Variants in MYOF observed in about 807,000 individuals in gnomAD.
The protein encoded by MYOF is fer-1-like 3, myoferlin.
MYOF carries 244 observed loss-of-function variants against 284.2 expected under a neutral mutation model. That is an observed-to-expected ratio of 0.86 (90% CI 0.77 to 0.95). The LOEUF is 0.95. Among genes scored for constraint, MYOF ranks in the 40% least tolerant of loss-of-function variants. MYOF has a pLI of 0.00. For missense variants in MYOF, 2,496 were observed against 2,560.6 expected, an observed-to-expected ratio of 0.97 and a Z score of 0.54; for synonymous variants, 904 against 919.7, an observed-to-expected ratio of 0.98 and a Z score of 0.31.
intron 41 of MYOF, among the ~76,000 whole-genome samples, chr10:93,335,090 C>T (rs770461958): frequency 2.0e-5 from 3 of 152,144 alleles, no homozygotes; most frequent in Non-Finnish European, 2.9e-5. Flanking sequence ...GAGTGAGTCA[C>T]GCTGCCCGAA....
intron 1 of MYOF, among the ~76,000 whole-genome samples, chr10:93,467,107 G>A (rs1308177292): frequency 6.6e-6 from 1 of 152,090 alleles, no homozygotes; most frequent in Non-Finnish European, 1.5e-5. Context: ...CCAGTAAGTG[G>A]CAGAGCTGAG....
At chr10:93,314,377 C>T (rs547239848) in intron 50 of MYOF, among the ~76,000 whole-genome samples, 112 of 152,324 alleles carry the variant, frequency 7.4e-4, no homozygotes, top group African/African-American at 2.6e-3. Flanking sequence ...GCATGACCCA[C>T]TGTGCCCGGC....
At chr10:93,338,028 G>A (rs1245416474) in intron 39 of MYOF, 115 bp from the exon 40 acceptor site, 6 of 763,570 alleles carry the variant, frequency 7.9e-6, no homozygotes, top group Non-Finnish European at 1.3e-5. Context: ...CCTGTTAAAA[G>A]TGAGATTATA....
In MYOF at chr10:93,377,380, G is replaced by T; in HGVS notation, c.2051C>A (p.Ala684Glu). The change falls in exon 22 of 54, where the codon GCA (alanine) becomes GAA (glutamate). Residue 684 changes from alanine (A) to glutamate (E), a missense_variant. Coordinates refer to ENST00000359263, the MANE Select transcript of MYOF (RefSeq NM_013451.4). ...LKSGIQGKIPANQLAELWLKL... is the reference protein window; with the variant it reads ...LKSGIQGKIPENQLAELWLKL... ...CAGCCACAATTCAGCCAGCTGGTTT[G>T]CAGGAATTTTACCTTGTATCCCTGA... 6.2e-7 allele frequency: 1 copy of T among 1,614,022 alleles called. No homozygotes were observed. Among genetic ancestry groups the T allele is most frequent in the Non-Finnish European group, 8.5e-7 (1 of 1,179,978 alleles).
chr10:93,392,382 G>T (rs996658122), intron 17 of MYOF, among the ~76,000 whole-genome samples: 1 of 152,176 alleles, frequency 6.6e-6, no homozygotes, highest in African/African-American at 2.4e-5. Context: ...TGCCCTAGGA[G>T]AATTGTGATG....
chr10:93,313,303 A>C, intron 50 of MYOF, 93 bp from the exon 51 acceptor site: 5 of 1,224,894 alleles, frequency 4.1e-6, no homozygotes, highest in Non-Finnish European at 4.5e-6. Flanking sequence ...GGAGAGAGGC[A>C]CACAGTGATT....
At chr10:93,426,822 G>A (rs1009922937) in intron 4 of MYOF, among the ~76,000 whole-genome samples, 1 of 151,852 alleles carries the variant, frequency 6.6e-6, no homozygotes, top group African/African-American at 2.4e-5. Flanking sequence ...TGAAGGGGGC[G>A]GAGGTTGCAG....
chr10:93,481,985 A>G, intron 1 of MYOF, 122 bp downstream of exon 1: 1 of 925,980 alleles, frequency 1.1e-6, no homozygotes, highest in Non-Finnish European at 1.7e-6. Context: ...TGCGCAGGTA[A>G]CAAACGCTGC....
intron 5 of MYOF, among the ~76,000 whole-genome samples, chr10:93,410,811 T>C (rs1255134047): frequency 6.6e-6 from 1 of 152,190 alleles, no homozygotes. Context: ...ATGAAAGAGA[T>C]TTAATTTCCA....
chr10:93,479,392 A>G (rs954681994), intron 1 of MYOF, among the ~76,000 whole-genome samples: 1 of 152,242 alleles, frequency 6.6e-6, no homozygotes, highest in African/African-American at 2.4e-5. Flanking sequence ...TGCTATAAGT[A>G]TCCTCAGTTC....
In MYOF at chr10:93,359,850, C is replaced by A. The variant is rs1314719251; in HGVS notation, c.3103G>T (p.Ala1035Ser). ...RKRKKDLTQTASSTARAMEEL... is the reference protein window; with the variant it reads ...RKRKKDLTQTSSSTARAMEEL... ...TCTCTTACCCTTGCGGTGCTTGAAG[C>A]AGTCTGTGTTAAATCTTTCTTGCGT... Residue 1035 changes from alanine (A) to serine (S), a missense_variant, in exon 29 of 54, where the codon GCT (alanine) becomes TCT (serine). By Grantham distance (99) the Ala-to-Ser change is moderately conservative (BLOSUM62 1). Around this residue, in one of 3 missense-constraint regions of MYOF, gnomAD observed 2,436 missense variants for 2,480.7 expected, o/e 0.98. Transcript: ENST00000359263. 3.7e-6 allele frequency: 6 copies of A among 1,614,090 alleles called. No homozygotes were observed. In the African/African-American group the frequency reaches 8.0e-5, roughly 22 times the overall value.
At chr10:93,445,099 T>G (rs1355448851) in intron 3 of MYOF, among the ~76,000 whole-genome samples, 1 of 152,250 alleles carries the variant, frequency 6.6e-6, no homozygotes, top group Admixed American at 6.5e-5. Flanking sequence ...AATTTTTTTT[T>G]GTCAAAATTA....
chr10:93,329,703 C>A lies in MYOF; in HGVS notation c.4943G>T (p.Arg1648Leu). Residue 1648 changes from arginine to leucine, a missense_variant, in exon 44 of 54, where the codon CGC becomes CTC. Coordinates refer to ENST00000359263, the MANE Select transcript of MYOF (RefSeq NM_013451.4). ...TGGTATGCCGCAGTGGGACCCAAAGCGGGAAAGGAATCGGTTTTCCAGATC... is the reference window on the plus strand; with the variant it reads ...TGGTATGCCGCAGTGGGACCCAAAGAGGGAAAGGAATCGGTTTTCCAGATC... ...IIDLENRFLS[R>L]FGSHCGIPEE... is the part of the protein sequence containing the mutation. 2 of 1,614,134 alleles carry A rather than the reference C, an allele frequency of 1.2e-6. No individual in the cohort carries two copies. Among genetic ancestry groups the A allele is most frequent in the Non-Finnish European group, 1.7e-6 (2 of 1,180,034 alleles).
chr10:93,366,253 C>T, intron 26 of MYOF, 139 bp downstream of exon 26: 1 of 919,144 alleles, frequency 1.1e-6, no homozygotes, highest in Non-Finnish European at 1.6e-6. Context: ...CAACTTTCTA[C>T]AAATTTCAAT....
In MYOF at chr10:93,356,793, C is replaced by A; in HGVS notation, c.3176G>T (p.Trp1059Leu). ...EGWEYASLIGWKFHWKQRSSD... is the reference protein window; with the variant it reads ...EGWEYASLIGLKFHWKQRSSD... Reference sequence around the variant, plus strand: ...ACTACGTTGTTTCCAGTGAAATTTCCAGCCAATTAGAGAAGCATATTCCCA... The same window carrying A: ...ACTACGTTGTTTCCAGTGAAATTTCAAGCCAATTAGAGAAGCATATTCCCA... The change falls in exon 30 of 54, where the codon TGG becomes TTG. Residue 1059 changes from tryptophan (W) to leucine (L), a missense_variant. By Grantham distance (61) the Trp-to-Leu change is moderately conservative. This residue lies in a region of MYOF where 2,436 missense variants were observed against 2,480.7 expected (regional missense o/e 0.98). Coordinates refer to ENST00000359263, the MANE Select transcript of MYOF (RefSeq NM_013451.4). 6.2e-7 allele frequency: 1 copy of A among 1,614,128 alleles called. No individual in the cohort carries two copies. Among genetic ancestry groups the A allele is most frequent in the Non-Finnish European group, 8.5e-7 (1 of 1,180,014 alleles).
chr10:93,330,092 T>C (rs536557373), intron 43 of MYOF, among the ~76,000 whole-genome samples: 25 of 152,326 alleles, frequency 1.6e-4, no homozygotes, highest in Non-Finnish European at 3.5e-4. Flanking sequence ...CCTCTGCTGC[T>C]TACCAGCTGT....
At chr10:93,345,050 G>A (rs531887004) in intron 37 of MYOF, among the ~76,000 whole-genome samples, 1 of 152,274 alleles carries the variant, frequency 6.6e-6, no homozygotes, top group African/African-American at 2.4e-5. Context: ...TATTGAGGAA[G>A]CACCAAACAG....
intron 40 of MYOF, among the ~76,000 whole-genome samples, chr10:93,337,126 G>A (rs1843652544): frequency 6.8e-6 from 1 of 147,700 alleles, no homozygotes; most frequent in African/African-American, 2.5e-5. Context: ...AACATGAAAA[G>A]GTGTGGGTTT....
In MYOF at chr10:93,396,130, T is replaced by C. The variant is rs1473381391; in HGVS notation, c.1417+12A>G. On this transcript the variant is annotated intron_variant, in intron 16 of 53. Transcript: ENST00000359263. ...GTATCCAGTCTTGTTCTAGATCTGT[T>C]GAGTGACTTACCTTCCACTTCCCCA... is the stretch of plus-strand genomic sequence containing the variant. 10 of 1,596,048 alleles carry C rather than the reference T, an allele frequency of 6.3e-6. No individual in the cohort carries two copies. The highest frequency in any genetic ancestry group is 8.6e-6 in the Non-Finnish European group (10 of 1,166,558).
Sources: gnomAD v4.1 joint callset for allele counts (sites outside exome capture counted in the v4.1 genomes callset) on GRCh38, gnomAD v4.1.1 for gene constraint, gnomAD v4.1.1 regional missense constraint, MANE v1.5 for transcripts, NCBI Gene and HGNC (gene_info 2026-07-23, HGNC 2026-07-21) for gene names.